Variants in C8orf34 observed in about 807,000 individuals in gnomAD.
C8orf34 encodes the protein uncharacterized protein C8orf34.
A neutral mutation model predicts 68.3 loss-of-function variants in C8orf34; 65 were observed. That is an observed-to-expected ratio of 0.95 (90% CI 0.78 to 1.17). The LOEUF is 1.17. C8orf34 is among the 50% of genes most tolerant of loss of function. The pLI, the probability that C8orf34 is intolerant of heterozygous loss-of-function variation, is 0.00. For missense variants in C8orf34, 664 were observed against 655.4 expected (o/e 1.01, Z -0.14); for synonymous variants, 244 against 241.2 (o/e 1.01, Z -0.11).
chr8:68,563,824 A>G (rs1816505064), intron 7 of C8orf34, among the ~76,000 whole-genome samples: 1 of 152,200 alleles, frequency 6.6e-6, no homozygotes, highest in Non-Finnish European at 1.5e-5. Context: ...ATTGAGTGAC[A>G]TAACAGAAGC....
At chr8:68,676,376 A>G (rs1184567751) in intron 8 of C8orf34, among the ~76,000 whole-genome samples, 2 of 152,132 alleles carry the variant, frequency 1.3e-5, no homozygotes, top group Non-Finnish European at 2.9e-5. Context: ...CACCAGATAT[A>G]TAAAGCAAAA....
rs540080740 is a variant in C8orf34, at chr8:68,395,460, G to A, written c.328-44039G>A. ...CCAAACATCTGGAATGGGGCCCCCTGTTTCTATTGAGAATCACTGGTCAGT... is the reference window on the plus strand; with the variant it reads ...CCAAACATCTGGAATGGGGCCCCCTATTTCTATTGAGAATCACTGGTCAGT... On this transcript the variant is annotated intron_variant, in intron 1 of 13. Transcript: ENST00000518698. Among the ~76,000 whole-genome samples the A allele has an allele frequency of 2.6e-5, 4 of 151,920 alleles. No individual in the cohort carries two copies. The South Asian group carries it at 8.3e-4, about 32-fold the overall frequency.
intron 3 of C8orf34, among the ~76,000 whole-genome samples, chr8:68,449,573 C>T (rs537620656): frequency 3.3e-5 from 5 of 151,626 alleles, no homozygotes; most frequent in South Asian, 2.1e-4. Context: ...CAATATCAGT[C>T]GCACAATTTT....
intron 8 of C8orf34, among the ~76,000 whole-genome samples, chr8:68,662,690 A>G (rs1268291307): frequency 6.6e-6 from 1 of 152,190 alleles, no homozygotes; most frequent in African/African-American, 2.4e-5. Context: ...GTATGTCTTT[A>G]TTAGCAGCAT....
chr8:68,776,979 C>T (rs970953034), intron 11 of C8orf34, among the ~76,000 whole-genome samples: 1 of 152,234 alleles, frequency 6.6e-6, no homozygotes, highest in Non-Finnish European at 1.5e-5. Flanking sequence ...CAAGGGTGTT[C>T]TGTGCCATGG....
chr8:68,569,367 G>A (rs1301312884), intron 7 of C8orf34, among the ~76,000 whole-genome samples: 2 of 152,210 alleles, frequency 1.3e-5, no homozygotes, highest in East Asian at 3.9e-4. Context: ...AAATGAAGAA[G>A]CAAAGGGGAC....
At chr8:68,662,244 CAGA>C (rs1563593440) in intron 8 of C8orf34, among the ~76,000 whole-genome samples, 1 of 152,114 alleles carries the variant, frequency 6.6e-6, no homozygotes, top group African/African-American at 2.4e-5. Flanking sequence ...GTGAAGCCCT[CAGA>C]AGAACAGGTG....
chr8:68,517,802 G>A (rs1218715946), intron 5 of C8orf34, among the ~76,000 whole-genome samples: 1 of 152,074 alleles, frequency 6.6e-6, no homozygotes, highest in Non-Finnish European at 1.5e-5. Flanking sequence ...TTTGTTTCAA[G>A]TACCATCTAC....
intron 1 of C8orf34, among the ~76,000 whole-genome samples, chr8:68,395,563 C>T (rs1343967415): frequency 3.9e-5 from 6 of 151,948 alleles, no homozygotes; most frequent in Non-Finnish European, 8.8e-5. Context: ...TGTCAAATAA[C>T]AATGAAAAAT....
intron 5 of C8orf34, among the ~76,000 whole-genome samples, chr8:68,502,356 C>G (rs909569380): frequency 1.3e-5 from 2 of 152,180 alleles, no homozygotes; most frequent in African/African-American, 4.8e-5. Context: ...TGAAATAGCT[C>G]TATCTTGTAC....
intron 7 of C8orf34, among the ~76,000 whole-genome samples, chr8:68,638,653 T>C (rs1270645781): frequency 2.0e-5 from 3 of 152,116 alleles, no homozygotes; most frequent in Non-Finnish European, 4.4e-5. Flanking sequence ...TTTTTAATTG[T>C]ACCTGTATAT....
At chr8:68,386,225 A>G (rs1808253882) in intron 1 of C8orf34, among the ~76,000 whole-genome samples, 1 of 152,198 alleles carries the variant, frequency 6.6e-6, no homozygotes, top group Non-Finnish European at 1.5e-5. Context: ...TTTGAAATAC[A>G]TTAAAACAAA....
At chr8:68,468,075 G>T (rs934495817) in intron 3 of C8orf34, among the ~76,000 whole-genome samples, 7 of 151,822 alleles carry the variant, frequency 4.6e-5, no homozygotes, top group African/African-American at 1.7e-4. Flanking sequence ...GATTTTCTTG[G>T]CATTCCTCTG....
At chr8:68,361,321 G>C (rs1221779396) in intron 1 of C8orf34, among the ~76,000 whole-genome samples, 6 of 152,180 alleles carry the variant, frequency 3.9e-5, no homozygotes, top group Non-Finnish European at 7.3e-5. Flanking sequence ...TAAGGCCTTT[G>C]TACGCTGCAT....
intron 1 of C8orf34, among the ~76,000 whole-genome samples, chr8:68,425,948 C>T (rs896857573): frequency 6.6e-6 from 1 of 152,134 alleles, no homozygotes; most frequent in African/African-American, 2.4e-5. Context: ...ATAAATGATA[C>T]TGGATAAAGA....
At chr8:68,469,801 A>G (rs1485130168) in intron 4 of C8orf34, among the ~76,000 whole-genome samples, 1 of 151,968 alleles carries the variant, frequency 6.6e-6, no homozygotes. Context: ...TTTATTTTAG[A>G]TTGCAGAATC....
chr8:68,608,098 C>A (rs1010641524), intron 7 of C8orf34, among the ~76,000 whole-genome samples: 1 of 149,014 alleles, frequency 6.7e-6, no homozygotes, highest in Non-Finnish European at 1.5e-5. Flanking sequence ...GTGTGCTGGG[C>A]AGAGAAGTAG....
chr8:68,613,838 A>T (rs200200007), intron 7 of C8orf34, among the ~76,000 whole-genome samples: 1 of 151,140 alleles, frequency 6.6e-6, no homozygotes, highest in Non-Finnish European at 1.5e-5. Context: ...TGGTATTTCT[A>T]GTTCTAGATC....
At chr8:68,529,970 G>A (rs1048702010) in intron 6 of C8orf34, among the ~76,000 whole-genome samples, 1 of 152,040 alleles carries the variant, frequency 6.6e-6, no homozygotes, top group Non-Finnish European at 1.5e-5. Flanking sequence ...TATACTTTGT[G>A]AATTATTATT....
Sources: gnomAD v4.1 joint callset for allele counts (sites outside exome capture counted in the v4.1 genomes callset) on GRCh38, gnomAD v4.1.1 for gene constraint, MANE v1.5 for transcripts, NCBI Gene and HGNC (gene_info 2026-07-23, HGNC 2026-07-21) for gene names.